Variants in ATAD2B observed in about 807,000 individuals in gnomAD.
ATAD2B encodes the protein ATPase family AAA domain-containing protein 2B.
In ATAD2B, 40 loss-of-function variants were observed where a neutral mutation model predicts 167.6. The observed-to-expected ratio is 0.24, with a 90% CI of 0.19 to 0.31. The LOEUF (loss-of-function observed/expected upper bound fraction) is 0.31. Among genes scored for constraint, ATAD2B ranks in the 10% least tolerant of loss-of-function variants. The pLI is 1.00. For missense variants in ATAD2B, 1,242 were observed against 1,757.2 expected, an observed-to-expected ratio of 0.71 and a Z score of 5.24; for synonymous variants, 579 against 596.5, an observed-to-expected ratio of 0.97 and a Z score of 0.43.
At chr2:23,704,700 GA>G in the ATAD2B span, among the ~76,000 whole-genome samples, 1 of 152,192 alleles carries the variant, frequency 6.6e-6, no homozygotes, top group African/African-American at 2.4e-5. Context: ...CCGGGAGGCG[GA>G]GGTTGCAGTG....
At chr2:23,682,205 A>C in the ATAD2B span, among the ~76,000 whole-genome samples, 3 of 151,490 alleles carry the variant, frequency 2.0e-5, no homozygotes, top group South Asian at 4.2e-4. This position sits in a 1 kb window ranked among gnomAD's most constrained non-coding sequence, Gnocchi z 4.1. Flanking sequence ...CGGCCTTCTC[A>C]CCTCTCCCTC....
rs775850996 is a variant in ATAD2B, at chr2:23,864,801, T to C, written c.1304+8A>G. 5.8e-6 allele frequency: 8 copies of C among 1,381,732 alleles called. No individual in the cohort carries two copies. The highest frequency in any genetic ancestry group is 4.0e-5 in the South Asian group (3 of 75,762). 85.6% of individuals were successfully genotyped at this position (1,381,732 alleles called of 1,614,324 possible). On this transcript the variant is annotated splice_region_variant and intron_variant, in intron 11 of 27. Coordinates refer to ENST00000238789, the MANE Select transcript of ATAD2B (RefSeq NM_017552.4). Reference sequence around the variant, plus strand: ...ATAACAATAATAAACATCTATGACATTGCTTACCTTGGAGGCTGAATTTTA... The same window carrying C: ...ATAACAATAATAAACATCTATGACACTGCTTACCTTGGAGGCTGAATTTTA...
chr2:23,875,931 G>A (rs1382226299), intron 7 of ATAD2B, 27 bp from the exon 8 acceptor site: 7 of 1,443,246 alleles, frequency 4.9e-6, no homozygotes, highest in Non-Finnish European at 6.7e-6. Flanking sequence ...GGATAATAGA[G>A]AAATAACTAA....
intron 1 of ATAD2B, among the ~76,000 whole-genome samples, chr2:23,898,476 C>T (rs79430910): frequency 0.079 from 12,029 of 152,256 alleles, 606 homozygotes; most frequent in South Asian, 0.12. Flanking sequence ...TCTTTCCAGA[C>T]TGAACTGATG....
intron 17 of ATAD2B, among the ~76,000 whole-genome samples, chr2:23,813,041 A>T (rs1175689796): frequency 6.6e-6 from 1 of 152,052 alleles, no homozygotes; most frequent in Non-Finnish European, 1.5e-5. Flanking sequence ...GAAGAGTTCA[A>T]ATTGTCATTC....
At chr2:23,805,130 C>CAA (rs1276140914) in intron 18 of ATAD2B, among the ~76,000 whole-genome samples, 1 of 140,458 alleles carries the variant, frequency 7.1e-6, no homozygotes, top group East Asian at 2.0e-4. Context: ...ACAACAAGAG[C>CAA]AAAACCCTGT....
At chr2:23,821,747 A>T (rs2149641909) in intron 16 of ATAD2B, among the ~76,000 whole-genome samples, 1 of 152,344 alleles carries the variant, frequency 6.6e-6, no homozygotes, top group South Asian at 2.1e-4. Context: ...TTATACTCTG[A>T]TTAGAATGTC....
intron 23 of ATAD2B, among the ~76,000 whole-genome samples, chr2:23,763,845 G>C (rs900807561): frequency 2.0e-4 from 31 of 152,160 alleles, no homozygotes; most frequent in African/African-American, 7.5e-4. Context: ...TCCAACCTCT[G>C]CCACCCAAAA....
chr2:23,901,811 T>G (rs1700874240), intron 1 of ATAD2B, among the ~76,000 whole-genome samples: 1 of 152,252 alleles, frequency 6.6e-6, no homozygotes, highest in African/African-American at 2.4e-5. Flanking sequence ...CAAGCTCTCT[T>G]TTTTCATGGA....
the ATAD2B span, chr2:23,703,450 C>A: frequency 7.6e-7 from 1 of 1,321,178 alleles, no homozygotes; most frequent in Non-Finnish European, 1.0e-6. Flanking sequence ...TTCAGTATCC[C>A]ATGCCCAGAA....
intron 13 of ATAD2B, among the ~76,000 whole-genome samples, chr2:23,842,081 A>G (rs540110027): frequency 6.6e-6 from 1 of 152,300 alleles, no homozygotes; most frequent in African/African-American, 2.4e-5. Context: ...TTTGTCTTTT[A>G]ACAAGAACAT....
the ATAD2B span, among the ~76,000 whole-genome samples, chr2:23,685,639 G>A: frequency 5.3e-5 from 8 of 152,250 alleles, no homozygotes; most frequent in Non-Finnish European, 2.9e-5. Context: ...CCGGCCCTCA[G>A]CCTCGCAGGA....
At chr2:23,788,742 A>G (rs971826977) in intron 19 of ATAD2B, 95 bp from the exon 20 acceptor site, 2 of 1,046,112 alleles carry the variant, frequency 1.9e-6, no homozygotes, top group South Asian at 1.7e-5. Flanking sequence ...TTCCAGTATC[A>G]TGTTCAATAT....
chr2:23,907,737 T>C (rs1185875328), intron 1 of ATAD2B, among the ~76,000 whole-genome samples: 1 of 152,140 alleles, frequency 6.6e-6, no homozygotes, highest in Non-Finnish European at 1.5e-5. Context: ...GACTTCAAAC[T>C]GTATTACAAG....
chr2:23,884,668 C>A, intron 6 of ATAD2B, 97 bp downstream of exon 6: 1 of 590,576 alleles, frequency 1.7e-6, no homozygotes. Flanking sequence ...ATCCAAAAAC[C>A]AACTACTCAG....
intron 17 of ATAD2B, among the ~76,000 whole-genome samples, 176 bp downstream of exon 17, chr2:23,819,571 A>T (rs1213284131): frequency 1.3e-5 from 2 of 152,066 alleles, no homozygotes; most frequent in African/African-American, 4.8e-5. Context: ...TAACCAACAA[A>T]CTAACTATTA....
At chr2:23,684,726 C>T in the ATAD2B span, among the ~76,000 whole-genome samples, 99 of 152,310 alleles carry the variant, frequency 6.5e-4, no homozygotes, top group African/African-American at 2.3e-3. This position sits in a 1 kb window ranked among gnomAD's most constrained non-coding sequence, Gnocchi z 4.4. Flanking sequence ...GCAGCCACTG[C>T]GCCCAGCACC....
At chr2:23,835,305 T>G (rs1689747294) in intron 13 of ATAD2B, among the ~76,000 whole-genome samples, 1 of 152,212 alleles carries the variant, frequency 6.6e-6, no homozygotes, top group African/African-American at 2.4e-5. Context: ...ATGTGGTATA[T>G]CCATACAATG....
chr2:23,922,428 C>T (rs1301844906), intron 1 of ATAD2B, among the ~76,000 whole-genome samples: 7 of 151,378 alleles, frequency 4.6e-5, no homozygotes, highest in Non-Finnish European at 1.0e-4. Context: ...CTGCATAGCA[C>T]TAAAAAACAA....
Sources: gnomAD v4.1 joint callset for allele counts (sites outside exome capture counted in the v4.1 genomes callset) on GRCh38, gnomAD v4.1.1 for gene constraint, Gnocchi (gnomAD v3.1) non-coding constraint, MANE v1.5 for transcripts, NCBI Gene and HGNC (gene_info 2026-07-23, HGNC 2026-07-21) for gene names.